OTUD7A: variants seen among roughly 807,000 people sequenced by gnomAD.
OTUD7A encodes the protein OTU domain-containing protein 7A.
Under a neutral mutation model 65.7 loss-of-function variants are expected in OTUD7A, and 12 were observed. That is an observed-to-expected ratio of 0.18 (90% CI 0.12 to 0.30). The LOEUF (loss-of-function observed/expected upper bound fraction) is 0.30, where lower values mean the gene tolerates loss of function less well. OTUD7A is among the 10% of genes least tolerant of loss of function. The pLI, the probability that OTUD7A is intolerant of heterozygous loss-of-function variation, is 1.00. For synonymous variants in OTUD7A, 641 were observed against 586.3 expected, an observed-to-expected ratio of 1.09 and a Z score of -1.35; for missense variants, 1,148 against 1,304.8, an observed-to-expected ratio of 0.88 and a Z score of 1.85.
In OTUD7A at chr15:31,662,280, C is replaced by T. The variant is rs1892186637; in HGVS notation, c.-99-5203G>A. ...TACTATTTGGTCACCCAGTGGTAGA[C>T]ACCTAATAGAAAAGGCAAGATAGAT... On this transcript the variant is annotated intron_variant, in intron 1 of 12. Coordinates refer to ENST00000307050, the MANE Select transcript of OTUD7A (RefSeq NM_001382637.1). Among the ~76,000 whole-genome samples, 4 of 152,358 alleles carry T rather than the reference C, an allele frequency of 2.6e-5. No homozygotes were observed. In the South Asian group the frequency reaches 6.2e-4, roughly 24 times the overall value.
intron 1 of OTUD7A, among the ~76,000 whole-genome samples, chr15:31,700,278 A>T (rs1417605172): frequency 2.6e-5 from 4 of 151,118 alleles, no homozygotes; most frequent in African/African-American, 9.7e-5. Flanking sequence ...TACTCACTAA[A>T]TATTCATAAC....
chr15:31,845,302 G>T (rs1304899007), intron 1 of OTUD7A, among the ~76,000 whole-genome samples: 1 of 152,298 alleles, frequency 6.6e-6, no homozygotes, highest in Non-Finnish European at 1.5e-5. Flanking sequence ...CATCTCAAGG[G>T]GAGGAGAATT....
chr15:31,717,580 T>C lies in OTUD7A; in HGVS notation c.-99-60503A>G, dbSNP rs1893625409. Among the ~76,000 whole-genome samples, 2 of 152,234 alleles carry C rather than the reference T, an allele frequency of 1.3e-5. 1 individual carries two copies. The highest frequency in any genetic ancestry group is 4.1e-4 in the South Asian group (2 of 4,834). ...ACAAAGGACATGAACTCATCCTTTT[T>C]CATGGCTGCATAGTATTCCATGGTG... is the stretch of plus-strand genomic sequence containing the variant. On this transcript the variant is annotated intron_variant, in intron 1 of 12. Transcript: ENST00000307050.
chr15:31,862,411 T>C lies in OTUD7A; in HGVS notation c.-100+8096A>G, dbSNP rs1467293531. Reference sequence around the variant, plus strand: ...CAGAGCTTGCTTGTATTAGTTCATTTTCACACCACTGATAAAGACATACCC... The same window carrying C: ...CAGAGCTTGCTTGTATTAGTTCATTCTCACACCACTGATAAAGACATACCC... On this transcript the variant is annotated intron_variant, in intron 1 of 12. Coordinates refer to ENST00000307050, the MANE Select transcript of OTUD7A (RefSeq NM_001382637.1). 3.3e-5 allele frequency among the ~76,000 whole-genome samples: 5 copies of C among 152,196 alleles called. No individual in the cohort carries two copies. The South Asian group carries it at 1.0e-3, about 32-fold the overall frequency.
intron 1 of OTUD7A, among the ~76,000 whole-genome samples, chr15:31,790,879 C>T (rs1265529254): frequency 6.6e-6 from 1 of 152,072 alleles, no homozygotes; most frequent in African/African-American, 2.4e-5. Flanking sequence ...GCTGAGGTCC[C>T]CTTTTCAGGT....
chr15:31,767,636 T>C (rs894731601), intron 1 of OTUD7A: 2 of 773,296 alleles, frequency 2.6e-6, no homozygotes, highest in African/African-American at 1.7e-5. Context: ...CAGAATAAAA[T>C]ATCTCCAAAC....
At chr15:31,586,403 G>A (rs750822448) in intron 3 of OTUD7A, among the ~76,000 whole-genome samples, 8 of 152,226 alleles carry the variant, frequency 5.3e-5, no homozygotes, top group Non-Finnish European at 1.0e-4. Flanking sequence ...ACTGAGGGTA[G>A]GGTTTTCTGC....
At chr15:31,730,775 T>C (rs1050406886) in intron 1 of OTUD7A, among the ~76,000 whole-genome samples, 4 of 152,140 alleles carry the variant, frequency 2.6e-5, no homozygotes, top group Admixed American at 1.3e-4. Flanking sequence ...GGTGGCAGGA[T>C]TGCTGTCATC....
intron 1 of OTUD7A, among the ~76,000 whole-genome samples, chr15:31,866,238 C>T (rs1242766888): frequency 6.6e-6 from 1 of 152,154 alleles, no homozygotes; most frequent in Non-Finnish European, 1.5e-5. Context: ...TAACTCTTTC[C>T]CTTTGCCAAG....
chr15:31,526,491 G>C (rs1332650899), intron 7 of OTUD7A, 30 bp from the exon 8 acceptor site: 1 of 1,517,992 alleles, frequency 6.6e-7, no homozygotes. Context: ...TCAGAAGGGG[G>C]GTGGGCCACA....
At chr15:31,737,468 G>A (rs906900928) in intron 1 of OTUD7A, among the ~76,000 whole-genome samples, 6 of 152,202 alleles carry the variant, frequency 3.9e-5, no homozygotes, top group Non-Finnish European at 8.8e-5. Flanking sequence ...AAAACCCTGG[G>A]GATGACATCC....
intron 3 of OTUD7A, among the ~76,000 whole-genome samples, chr15:31,618,871 T>C (rs1252114436): frequency 2.6e-5 from 4 of 152,204 alleles, no homozygotes; most frequent in Non-Finnish European, 4.4e-5. Flanking sequence ...CTGAATGGTA[T>C]TGCCTAGGTT....
chr15:31,525,377 G>A (rs537610952), intron 8 of OTUD7A, among the ~76,000 whole-genome samples: 3 of 152,348 alleles, frequency 2.0e-5, no homozygotes, highest in Admixed American at 1.3e-4. Context: ...GTGTGCCAGC[G>A]TATGTGGGTT....
At chr15:31,790,183 A>G (rs1332414007) in intron 1 of OTUD7A, among the ~76,000 whole-genome samples, 2 of 152,212 alleles carry the variant, frequency 1.3e-5, no homozygotes, top group Non-Finnish European at 1.5e-5. Context: ...GCCCTCTGAC[A>G]TCATGGCTCC....
intron 1 of OTUD7A, among the ~76,000 whole-genome samples, chr15:31,713,362 TG>T (rs1424472107): frequency 1.3e-5 from 2 of 152,156 alleles, no homozygotes; most frequent in Non-Finnish European, 2.9e-5. Flanking sequence ...CTCACACCTG[TG>T]ATCCCAGCAC....
intron 3 of OTUD7A, among the ~76,000 whole-genome samples, chr15:31,624,756 G>A (rs1890900639): frequency 1.3e-5 from 2 of 152,226 alleles, no homozygotes; most frequent in South Asian, 2.1e-4. Context: ...AGAGAAGGGT[G>A]ATAAGTCAGA....
chr15:31,838,333 C>A (rs966008517), intron 1 of OTUD7A, among the ~76,000 whole-genome samples: 10 of 152,176 alleles, frequency 6.6e-5, no homozygotes, highest in African/African-American at 2.4e-4. Flanking sequence ...ATTTATTTAG[C>A]AGAGGCTAAA....
Position 31,629,717 on chromosome 15 carries a change from T to C in OTUD7A, c.151+25379A>G, listed in dbSNP as rs1384416113. Among the ~76,000 whole-genome samples, 3 of 152,352 alleles carry C rather than the reference T, an allele frequency of 2.0e-5. No individual in the cohort carries two copies. In the East Asian group the frequency reaches 5.8e-4, roughly 29 times the overall value. On this transcript the variant is annotated intron_variant, in intron 3 of 12. Transcript: ENST00000307050. ...GGTAGAATTCGGCTGTGAATCCATC[T>C]GGTCCTGGACGTTTTTGGTTGGTAA...
intron 4 of OTUD7A, among the ~76,000 whole-genome samples, chr15:31,566,741 G>T (rs954008246): frequency 1.3e-5 from 2 of 152,096 alleles, no homozygotes; most frequent in African/African-American, 4.8e-5. Flanking sequence ...ACGCAATCTG[G>T]TCATTTAAAA....
Sources: allele counts gnomAD v4.1 joint callset (sites outside exome capture counted in the v4.1 genomes callset), GRCh38; gene constraint gnomAD v4.1.1; transcripts MANE v1.5; gene names NCBI Gene and HGNC (gene_info 2026-07-23, HGNC 2026-07-21).